FARP1: variants seen among roughly 807,000 people sequenced by gnomAD.
FARP1 encodes the protein FERM, ARHGEF and pleckstrin domain-containing protein 1.
Under a neutral mutation model 128.8 loss-of-function variants are expected in FARP1, and 52 were observed. That is an observed-to-expected ratio of 0.40 (90% CI 0.32 to 0.51). The LOEUF is 0.51. Among genes scored for constraint, FARP1 ranks in the 20% least tolerant of loss-of-function variants. FARP1 has a pLI of 0.45. For synonymous variants in FARP1, 580 were observed against 551.8 expected (o/e 1.05, Z -0.72); for missense variants, 1,333 against 1,367.9 (o/e 0.97, Z 0.40).
At chr13:98,409,550 G>T in intron 14 of FARP1, 25 bp downstream of exon 14, 2 of 1,548,430 alleles carry the variant, frequency 1.3e-6, no homozygotes, top group Non-Finnish European at 1.8e-6. Context: ...GCTCAAGCGC[G>T]TGTGTGGCTG....
At chr13:98,429,306 C>T (rs548358921) in intron 17 of FARP1, among the ~76,000 whole-genome samples, 1 of 152,282 alleles carries the variant, frequency 6.6e-6, no homozygotes, top group East Asian at 1.9e-4. Context: ...GAGTGTGCCG[C>T]ATTTGGATGC....
rs1485262132 is a variant in FARP1, at chr13:98,343,746, T to A, written c.172-16T>A. The A allele has an allele frequency of 6.3e-7, 1 of 1,587,256 alleles. No homozygotes were observed. The highest frequency in any genetic ancestry group is 2.2e-5 in the East Asian group (1 of 44,720). On this transcript the variant is annotated splice_polypyrimidine_tract_variant and intron_variant, in intron 2 of 26. Coordinates refer to ENST00000319562, the MANE Select transcript of FARP1 (RefSeq NM_005766.4). ...GTGCCTGCCTCAGGGATAACCCCTG[T>A]TGTTTCTGCTCACAGCAAAGAGCTC...
chr13:98,234,280 T>C (rs1297980854), intron 2 of FARP1: 1 of 152,202 alleles, frequency 6.6e-6, no homozygotes, highest in African/African-American at 2.4e-5. Flanking sequence ...AACTACCAGT[T>C]AGACTAAGAA....
At position 98,307,144 on chromosome 13, in the gene FARP1, A is replaced by G. The variant is rs537789947; in HGVS notation, c.172-36618A>G. Among the ~76,000 whole-genome samples, 8 of 152,356 alleles carry G rather than the reference A, an allele frequency of 5.3e-5. No homozygotes were observed. The South Asian group carries it at 1.7e-3, about 32-fold the overall frequency. The stretch of plus-strand genomic sequence containing the variant: ...TTCTTAGGCTTTAGTCTTGAGTTTC[A>G]TTCTGGCTTTATGATTCCGCAGATT... On this transcript the variant is annotated intron_variant, in intron 2 of 26. Transcript: ENST00000319562.
At chr13:98,246,119 C>T (rs1594316978) in intron 2 of FARP1, among the ~76,000 whole-genome samples, 1 of 62,662 alleles carries the variant, frequency 1.6e-5, no homozygotes, top group African/African-American at 6.5e-5. Flanking sequence ...TTTTTTGAGA[C>T]GGAGTCTCGC....
intron 1 of FARP1, among the ~76,000 whole-genome samples, chr13:98,178,167 G>A (rs1878233427): frequency 6.6e-6 from 1 of 150,754 alleles, no homozygotes; most frequent in Non-Finnish European, 1.5e-5. Context: ...CCAATTCCTG[G>A]TACCTAAGAT....
chr13:98,168,123 G>T (rs1877400355), intron 1 of FARP1, among the ~76,000 whole-genome samples: 1 of 151,028 alleles, frequency 6.6e-6, no homozygotes, highest in Non-Finnish European at 1.5e-5. Context: ...AGTGAGCCAA[G>T]ATCGTGCCAC....
At position 98,435,622 on chromosome 13, in the gene FARP1, G is replaced by A. The variant is rs111783426; in HGVS notation, c.2190G>A (p.Thr730=). 6.6e-5 allele frequency: 107 copies of A among 1,613,888 alleles called. No individual in the cohort carries two copies. The highest frequency in any genetic ancestry group is 7.8e-5 in the Non-Finnish European group (92 of 1,179,946). Residue 730 remains threonine, a synonymous_variant, in exon 19 of 27, where the codon ACG becomes ACA. Transcript: ENST00000319562. ...ITEMVAQLHG[T]MIKMENFQKL... is the part of the protein sequence containing the mutation. ...AGATGGTGGCACAGCTCCACGGTAC[G>A]ATGATCAAGATGGAGAATTTCCAGA...
At chr13:98,211,398 G>A (rs1880696904) in intron 1 of FARP1, among the ~76,000 whole-genome samples, 1 of 152,224 alleles carries the variant, frequency 6.6e-6, no homozygotes, top group Non-Finnish European at 1.5e-5. Context: ...TCTAATGCCT[G>A]ATGATCTGAG....
chr13:98,334,651 C>T (rs566104717), intron 2 of FARP1, among the ~76,000 whole-genome samples: 1 of 152,170 alleles, frequency 6.6e-6, no homozygotes, highest in African/African-American at 2.4e-5. Context: ...TATTGATGCC[C>T]TACCCACCAT....
intron 24 of FARP1, 117 bp from the exon 25 acceptor site, chr13:98,445,981 A>C: frequency 1.5e-6 from 1 of 676,162 alleles, no homozygotes; most frequent in East Asian, 2.7e-5. Flanking sequence ...GGTGGGGCCC[A>C]CATCCTTCAG....
rs1451048049 is a variant in FARP1 at position 98,313,221 on chromosome 13, CTG to C, written c.172-30540_172-30539del. Among the ~76,000 whole-genome samples, 4 of 140,650 alleles carry C rather than the reference CTG, an allele frequency of 2.8e-5. No homozygotes were observed. In the East Asian group the frequency reaches 8.8e-4, roughly 31 times the overall value. 92.3% of individuals were successfully genotyped at this position (140,650 alleles called of 152,430 possible). A position where few individuals can be genotyped will look rare whatever the true frequency, so the allele number is the denominator to read the frequency against. Reference sequence around the variant, plus strand: ...CATAATACACACACACACATACACTCTGGAATCGGGTGGGTCATAATACACAC... The same window carrying C: ...CATAATACACACACACACATACACTCGAATCGGGTGGGTCATAATACACAC... On this transcript the variant is annotated intron_variant, in intron 2 of 26. Coordinates refer to ENST00000319562, the MANE Select transcript of FARP1 (RefSeq NM_005766.4).
At chr13:98,256,621 G>A (rs1464762039) in intron 2 of FARP1, among the ~76,000 whole-genome samples, 2 of 150,878 alleles carry the variant, frequency 1.3e-5, no homozygotes, top group African/African-American at 2.4e-5. Context: ...GTGCAGTGGC[G>A]TGATCTCAGT....
intron 3 of FARP1, among the ~76,000 whole-genome samples, chr13:98,350,788 C>T (rs527510015): frequency 6.6e-6 from 1 of 152,234 alleles, no homozygotes; most frequent in African/African-American, 2.4e-5. Flanking sequence ...TTAGAGATGG[C>T]AAATGGCTCC....
At chr13:98,241,015 C>T (rs574439371) in intron 2 of FARP1, among the ~76,000 whole-genome samples, 5 of 152,348 alleles carry the variant, frequency 3.3e-5, no homozygotes, top group East Asian at 1.9e-4. Context: ...GCAGAATCCC[C>T]GCCCTAGCGA....
chr13:98,389,885 C>T, intron 9 of FARP1, 72 bp from the exon 10 acceptor site: 15 of 1,437,168 alleles, frequency 1.0e-5, no homozygotes, highest in Non-Finnish European at 1.4e-5. Flanking sequence ...CTATCTTCTG[C>T]CCCTTTTCTC....
intron 2 of FARP1, among the ~76,000 whole-genome samples, chr13:98,264,989 A>G (rs1884037221): frequency 6.6e-6 from 1 of 152,148 alleles, no homozygotes; most frequent in South Asian, 2.1e-4. Context: ...TTGCTTATCT[A>G]GCATGGTACT....
At chr13:98,179,973 T>C (rs1413868593) in intron 1 of FARP1, among the ~76,000 whole-genome samples, 1 of 152,112 alleles carries the variant, frequency 6.6e-6, no homozygotes, top group Non-Finnish European at 1.5e-5. Context: ...CCCTCCTAGA[T>C]TCAGCCTCCA....
intron 1 of FARP1, among the ~76,000 whole-genome samples, chr13:98,174,296 T>A (rs1418702155): frequency 6.6e-6 from 1 of 152,210 alleles, no homozygotes; most frequent in African/African-American, 2.4e-5. Context: ...TTTCAAAAGG[T>A]TGGTGACTTG....
Sources: gnomAD v4.1 joint callset for allele counts (sites outside exome capture counted in the v4.1 genomes callset) on GRCh38, gnomAD v4.1.1 for gene constraint, MANE v1.5 for transcripts, NCBI Gene and HGNC (gene_info 2026-07-23, HGNC 2026-07-21) for gene names.